The following ZNF487 variants were observed in gnomAD, a reference collection of about 807,000 sequenced individuals.
ZNF487 encodes KRAB domain only 1.
In ZNF487, 4 loss-of-function variants were observed where a neutral mutation model predicts 3.0. The ratio of observed to expected loss-of-function variants is 1.35; its 90% CI spans 0.66 to 3.08. ZNF487 has a LOEUF of 3.08. Ranked by LOEUF, ZNF487 falls within the 30% of genes most tolerant of loss-of-function variation. The pLI, the probability that ZNF487 is intolerant of heterozygous loss-of-function variation, is 0.01. For synonymous variants in ZNF487, 55 were observed against 34.6 expected (o/e 1.59, Z -2.06); for missense variants, 146 against 98.7 (o/e 1.48, Z -2.03).
Position 43,481,989 on chromosome 10 carries a change from A to G in ZNF487, c.*67A>G. ...TCATTGTTCATCAGAGAACTCACAT[A>G]AGGAAGAGTCACCATGAATTCAATG... On this transcript the variant is annotated 3_prime_UTR_variant, in exon 4 of 4. Coordinates refer to ENST00000437590, the MANE Select transcript of ZNF487 (RefSeq NM_001355444.3). 1.7e-6 allele frequency: 1 copy of G among 594,940 alleles called. No homozygotes were observed. The highest frequency in any genetic ancestry group is 3.0e-6 in the Non-Finnish European group (1 of 337,734). The allele number at this position is 594,940 out of a possible 1,614,324, so 36.9% of individuals were successfully genotyped here. A position where few individuals can be genotyped will look rare whatever the true frequency, so the allele number is the denominator to read the frequency against.
intron 1 of ZNF487, among the ~76,000 whole-genome samples, chr10:43,449,924 C>G (rs1839947074): frequency 6.6e-6 from 1 of 152,016 alleles, no homozygotes; most frequent in South Asian, 2.1e-4. Flanking sequence ...AGGTGATCCA[C>G]CTGCCTTGGC....
At chr10:43,462,016 G>A (rs2132093239) in intron 1 of ZNF487, among the ~76,000 whole-genome samples, 1 of 152,274 alleles carries the variant, frequency 6.6e-6, no homozygotes, top group Non-Finnish European at 1.5e-5. Context: ...TCCAAGGTTG[G>A]TCTGTAGTGA....
intron 1 of ZNF487, 135 bp downstream of exon 1, chr10:43,437,397 G>A: frequency 6.2e-6 from 1 of 160,576 alleles, no homozygotes; most frequent in South Asian, 1.4e-4. Flanking sequence ...GTGGCAGAGA[G>A]AACCCGGAGG....
chr10:43,500,766 C>T, the ZNF487 span, among the ~76,000 whole-genome samples: 2 of 151,974 alleles, frequency 1.3e-5, no homozygotes, highest in South Asian at 4.2e-4. Context: ...ACCTTGGACT[C>T]CCAAAGTGTT....
the ZNF487 span, among the ~76,000 whole-genome samples, chr10:43,507,528 G>C: frequency 1.3e-5 from 2 of 152,104 alleles, no homozygotes; most frequent in Non-Finnish European, 2.9e-5. Context: ...CACAACCGAG[G>C]AGCTGATGAA....
the ZNF487 span, among the ~76,000 whole-genome samples, chr10:43,503,764 G>A: frequency 4.7e-3 from 717 of 152,102 alleles, 6 homozygotes; most frequent in African/African-American, 0.017. Context: ...GCACCACCAT[G>A]CCCAACTAAT....
chr10:43,474,928 A>G (rs1841038593), intron 1 of ZNF487, among the ~76,000 whole-genome samples: 1 of 151,868 alleles, frequency 6.6e-6, no homozygotes, highest in Admixed American at 6.6e-5. Flanking sequence ...CAATTCTACT[A>G]AAAGACTGCC....
Position 43,481,708 on chromosome 10 carries a change from T to C in ZNF487, c.410T>C (p.Leu137Pro), listed in dbSNP as rs1244568047. The change falls in exon 4 of 4, where the codon CTC becomes CCC. Residue 137 changes from leucine to proline, a missense_variant. By Grantham distance (98) the Leu-to-Pro change is moderately conservative (BLOSUM62 -3). Transcript: ENST00000437590. Reference protein sequence around the residue: ...PAECNVRGKFLLCMKRENPYA... With the variant: ...PAECNVRGKFPLCMKRENPYA... ...GAGTGTAATGTACGTGGGAAATTTC[T>C]CCTCTGTATGAAGCGTGAGAATCCT... is the stretch of plus-strand genomic sequence containing the variant. The C allele has an allele frequency of 1.4e-6, 1 of 713,846 alleles. No individual in the cohort carries two copies. The highest frequency in any genetic ancestry group is 2.6e-6 in the Non-Finnish European group (1 of 383,938). 44.2% of individuals were successfully genotyped at this position (713,846 alleles called of 1,614,324 possible).
At chr10:43,458,066 A>AG (rs1589033338) in intron 1 of ZNF487, 1 of 151,644 alleles carries the variant, frequency 6.6e-6, no homozygotes, top group East Asian at 2.0e-4. Flanking sequence ...ACAAAAAAAA[A>AG]GAGTTACAGC....
the ZNF487 span, among the ~76,000 whole-genome samples, chr10:43,521,753 T>C: frequency 3.0e-4 from 46 of 152,218 alleles, no homozygotes; most frequent in African/African-American, 8.4e-4. Context: ...TAAGATTAGG[T>C]TGAAAACTAT....
At position 43,482,736 on chromosome 10, in the gene ZNF487, G is replaced by C. The variant is rs1010637654; in HGVS notation, c.*814G>C. 1 of 465,594 alleles carries C rather than the reference G, an allele frequency of 2.1e-6. No individual in the cohort carries two copies. Among genetic ancestry groups the C allele is most frequent in the African/African-American group, 2.0e-5 (1 of 49,512 alleles). The allele number at this position is 465,594 out of a possible 1,614,324, so 28.8% of individuals were successfully genotyped here. A position where few individuals can be genotyped will look rare whatever the true frequency, so the allele number is the denominator to read the frequency against. ...TAATCATCAGTGAACTCACACAGGA[G>C]AGAGACCCTTTGAATGCAATGAATG... On this transcript the variant is annotated 3_prime_UTR_variant, in exon 4 of 4. Transcript: ENST00000437590.
chr10:43,441,632 C>T lies in ZNF487; in HGVS notation c.-94+4370C>T, dbSNP rs564974801. 5.3e-5 allele frequency among the ~76,000 whole-genome samples: 8 copies of T among 150,964 alleles called. No individual in the cohort carries two copies. The East Asian group carries it at 5.9e-4, about 11-fold the overall frequency. On this transcript the variant is annotated intron_variant, in intron 1 of 3. Coordinates refer to ENST00000437590, the MANE Select transcript of ZNF487 (RefSeq NM_001355444.3). ...AGTCAGGGTCTCTCTGTCACCCAGG[C>T]GGGAGTTGCAGTGGTGCGATCTCGG... is the stretch of plus-strand genomic sequence containing the variant.
intron 2 of ZNF487, 54 bp downstream of exon 2, chr10:43,475,901 C>T: frequency 1.5e-6 from 1 of 686,936 alleles, no homozygotes; most frequent in South Asian, 1.7e-5. Flanking sequence ...TTTTTAGCTG[C>T]TGATTACAGA....
the ZNF487 span, among the ~76,000 whole-genome samples, chr10:43,493,194 C>T: frequency 6.6e-6 from 1 of 152,118 alleles, no homozygotes; most frequent in Admixed American, 6.6e-5. Flanking sequence ...TGCTCCATTG[C>T]ACTCCAGCCG....
the ZNF487 span, among the ~76,000 whole-genome samples, chr10:43,521,963 A>G: frequency 3.9e-5 from 6 of 152,148 alleles, no homozygotes; most frequent in African/African-American, 1.4e-4. Context: ...AAATAAATTG[A>G]TAAATAGGGA....
the ZNF487 span, among the ~76,000 whole-genome samples, chr10:43,501,341 G>A: frequency 6.6e-6 from 1 of 152,100 alleles, no homozygotes. Context: ...CACTACTGTA[G>A]GCTTTATAAA....
At chr10:43,465,238 G>A (rs1160024396) in intron 1 of ZNF487, among the ~76,000 whole-genome samples, 4 of 149,748 alleles carry the variant, frequency 2.7e-5, no homozygotes, top group Non-Finnish European at 4.5e-5. Context: ...CTGGGTGGGG[G>A]GCTGATCCCC....
chr10:43,472,643 G>A (rs1270261380), intron 1 of ZNF487, among the ~76,000 whole-genome samples: 1 of 152,088 alleles, frequency 6.6e-6, no homozygotes, highest in Non-Finnish European at 1.5e-5. Flanking sequence ...AGTTCCACCA[G>A]TGGGTTATGT....
downstream of ZNF487, among the ~76,000 whole-genome samples, chr10:43,486,170 C>T (rs1354689846): frequency 6.6e-6 from 1 of 152,148 alleles, no homozygotes; most frequent in Non-Finnish European, 1.5e-5. Flanking sequence ...CCAAGACAGA[C>T]TATTATACTG....
Sources: gnomAD v4.1 joint callset for allele counts (sites outside exome capture counted in the v4.1 genomes callset) on GRCh38, gnomAD v4.1.1 for gene constraint, MANE v1.5 for transcripts, NCBI Gene and HGNC (gene_info 2026-07-23, HGNC 2026-07-21) for gene names.